Variants in SYNPR observed in about 807,000 individuals in gnomAD.
The protein encoded by SYNPR is synaptoporin.
A neutral mutation model predicts 32.9 loss-of-function variants in SYNPR; 23 were observed. The observed-to-expected ratio is 0.70, with a 90% CI of 0.50 to 0.99. SYNPR has a LOEUF of 0.99. SYNPR is among the 50% of genes least tolerant of loss of function. The pLI is 0.00. For missense variants in SYNPR, 318 were observed against 349.3 expected (o/e 0.91, Z 0.71); for synonymous variants, 146 against 135.9 (o/e 1.07, Z -0.52).
intron 3 of SYNPR, among the ~76,000 whole-genome samples, chr3:63,529,514 C>G (rs1575694306): frequency 6.6e-6 from 1 of 152,110 alleles, no homozygotes; most frequent in African/African-American, 2.4e-5. Flanking sequence ...TCTGTGGCTT[C>G]CCCGTGCTCC....
chr3:63,291,469 A>G (rs1305347832), intron 2 of SYNPR, among the ~76,000 whole-genome samples: 1 of 152,204 alleles, frequency 6.6e-6, no homozygotes, highest in Non-Finnish European at 1.5e-5. Context: ...TTCCCATATG[A>G]GAAATATCTG....
the SYNPR span, chr3:63,203,376 C>G: frequency 3.3e-5 from 5 of 152,072 alleles, no homozygotes; most frequent in Admixed American, 1.3e-4. Context: ...CTTAAGGTCT[C>G]CAGTGGCGTC....
At chr3:63,521,098 C>T (rs573651572) in intron 3 of SYNPR, among the ~76,000 whole-genome samples, 1 of 152,338 alleles carries the variant, frequency 6.6e-6, no homozygotes, top group East Asian at 1.9e-4. Flanking sequence ...TCCCCAGCTA[C>T]TGCTGTGTCT....
intron 2 of SYNPR, among the ~76,000 whole-genome samples, chr3:63,384,709 C>A (rs1046235443): frequency 1.3e-5 from 2 of 152,168 alleles, no homozygotes; most frequent in East Asian, 1.9e-4. Flanking sequence ...GGAGCTCGTA[C>A]TATGTGTGTG....
intron 3 of SYNPR, among the ~76,000 whole-genome samples, chr3:63,552,567 G>A (rs1702521561): frequency 1.3e-5 from 2 of 152,120 alleles, no homozygotes; most frequent in African/African-American, 4.8e-5. Context: ...TAAGGGGACT[G>A]GATTTTCCTG....
intron 5 of SYNPR, among the ~76,000 whole-genome samples, chr3:63,612,644 C>T (rs1700216238): frequency 6.6e-6 from 1 of 152,172 alleles, no homozygotes; most frequent in African/African-American, 2.4e-5. Flanking sequence ...ATGTGCCAGC[C>T]AAGAGATCTG....
chr3:63,411,951 A>G (rs2088472318), intron 2 of SYNPR, among the ~76,000 whole-genome samples: 1 of 152,110 alleles, frequency 6.6e-6, no homozygotes, highest in Non-Finnish European at 1.5e-5. Context: ...GGGGTAGAGG[A>G]ATGGAATGAA....
At chr3:63,514,135 A>T (rs1701749207) in intron 3 of SYNPR, among the ~76,000 whole-genome samples, 1 of 152,190 alleles carries the variant, frequency 6.6e-6, no homozygotes. Flanking sequence ...TCAATAAGGC[A>T]TGTAGGTATA....
At chr3:63,558,305 A>G (rs1221088961) in intron 4 of SYNPR, among the ~76,000 whole-genome samples, 1 of 152,132 alleles carries the variant, frequency 6.6e-6, no homozygotes, top group Non-Finnish European at 1.5e-5. Flanking sequence ...CAGCCTATTC[A>G]TCTAAGAATT....
rs143953323 is a variant in SYNPR, at chr3:63,514,939, T to C, written c.209+33983T>C. On this transcript the variant is annotated intron_variant, in intron 3 of 5. Coordinates refer to ENST00000478300, the MANE Select transcript of SYNPR (RefSeq NM_001130003.2). ...TGTAAGTTTAATGCTTTCCTTCCGT[T>C]ACAGAGATAAATGTTGTCAGTAATC... Among the ~76,000 whole-genome samples the C allele has an allele frequency of 1.3e-4, 20 of 152,244 alleles. No individual in the cohort carries two copies. The East Asian group carries it at 3.9e-3, about 29-fold the overall frequency.
At chr3:63,414,393 G>A (rs1325504608) in intron 2 of SYNPR, among the ~76,000 whole-genome samples, 1 of 152,094 alleles carries the variant, frequency 6.6e-6, no homozygotes, top group Non-Finnish European at 1.5e-5. Context: ...TTCAGCCTTG[G>A]TTCCAAGTGT....
intron 2 of SYNPR, among the ~76,000 whole-genome samples, chr3:63,359,608 G>A (rs1198786939): frequency 6.6e-6 from 1 of 152,154 alleles, no homozygotes; most frequent in Non-Finnish European, 1.5e-5. Flanking sequence ...GTCACTTTGA[G>A]CAGTACTCCA....
the SYNPR span, among the ~76,000 whole-genome samples, chr3:63,210,809 C>T: frequency 6.8e-6 from 1 of 147,258 alleles, no homozygotes; most frequent in Non-Finnish European, 1.5e-5. Context: ...TCCTTCCTTC[C>T]TTCCTTCCTT....
the SYNPR span, among the ~76,000 whole-genome samples, chr3:63,201,043 C>T: frequency 6.6e-6 from 1 of 152,094 alleles, no homozygotes; most frequent in Non-Finnish European, 1.5e-5. Flanking sequence ...GGATTAGGTT[C>T]TGAAATTAGC....
upstream of SYNPR, among the ~76,000 whole-genome samples, chr3:63,276,583 A>C (rs1293621438): frequency 6.6e-6 from 1 of 152,074 alleles, no homozygotes. Context: ...ATATACATAC[A>C]TGGTAGGGTA....
chr3:63,567,934 G>T (rs1200386417), intron 4 of SYNPR, among the ~76,000 whole-genome samples: 1 of 152,230 alleles, frequency 6.6e-6, no homozygotes, highest in Non-Finnish European at 1.5e-5. Context: ...GAAATAGACA[G>T]CTAAGCTTGA....
chr3:63,406,986 C>T (rs971931311), intron 2 of SYNPR, among the ~76,000 whole-genome samples: 5 of 152,162 alleles, frequency 3.3e-5, no homozygotes, highest in Non-Finnish European at 7.3e-5. Context: ...CTTTTTTGGA[C>T]TTTATAATAC....
intron 2 of SYNPR, among the ~76,000 whole-genome samples, chr3:63,267,061 G>C (rs929633196): frequency 2.6e-5 from 4 of 152,130 alleles, no homozygotes; most frequent in African/African-American, 9.7e-5. Flanking sequence ...GAACTGATGT[G>C]CAAAGTTATA....
At chr3:63,403,258 T>C (rs2088315726) in intron 2 of SYNPR, among the ~76,000 whole-genome samples, 2 of 152,138 alleles carry the variant, frequency 1.3e-5, no homozygotes, top group African/African-American at 4.8e-5. Context: ...TGAGTTTGCC[T>C]AAATGAATTG....
Sources: gnomAD v4.1 joint callset for allele counts (sites outside exome capture counted in the v4.1 genomes callset) on GRCh38, gnomAD v4.1.1 for gene constraint, MANE v1.5 for transcripts, NCBI Gene and HGNC (gene_info 2026-07-23, HGNC 2026-07-21) for gene names.